Variants in TUNAR observed in about 807,000 individuals in gnomAD.
TUNAR encodes the protein transmembrane neural differentiation associated intracellular calcium regulator.
chr14:95,906,258 G>T (rs991254850), intron 2 of TUNAR, among the ~76,000 whole-genome samples: 16 of 152,174 alleles, frequency 1.1e-4, no homozygotes, highest in African/African-American at 2.2e-4. Flanking sequence ...AGGGGACATA[G>T]CTGGGAATGA....
At chr14:95,913,597 C>G (rs1306777562) in intron 2 of TUNAR, among the ~76,000 whole-genome samples, 1 of 152,086 alleles carries the variant, frequency 6.6e-6, no homozygotes, top group African/African-American at 2.4e-5. Flanking sequence ...AGAAATTGGT[C>G]TAGAGAAGTC....
chr14:95,896,543 C>T (rs1421314635), intron 2 of TUNAR, among the ~76,000 whole-genome samples: 2 of 152,196 alleles, frequency 1.3e-5, no homozygotes, highest in East Asian at 3.8e-4. Context: ...AGCTGCACCA[C>T]ACCCTCTGGA....
At chr14:95,877,820 C>T (rs1310501830) in intron 2 of TUNAR, among the ~76,000 whole-genome samples, 1 of 152,170 alleles carries the variant, frequency 6.6e-6, no homozygotes, top group Non-Finnish European at 1.5e-5. Context: ...ACTTTTTGTC[C>T]ATCCTGCCAT....
intron 2 of TUNAR, among the ~76,000 whole-genome samples, chr14:95,881,625 T>C (rs1888979620): frequency 6.6e-6 from 1 of 152,110 alleles, no homozygotes; most frequent in African/African-American, 2.4e-5. Flanking sequence ...CGGGAGGAAA[T>C]GTAGGTCTCA....
At chr14:95,877,847 C>A (rs188365417) in intron 2 of TUNAR, among the ~76,000 whole-genome samples, 2 of 152,326 alleles carry the variant, frequency 1.3e-5, no homozygotes, top group East Asian at 3.9e-4. Flanking sequence ...GCTGCCAACC[C>A]CTAATGTGTA....
At chr14:95,911,955 A>G (rs917778728) in intron 2 of TUNAR, among the ~76,000 whole-genome samples, 4 of 152,190 alleles carry the variant, frequency 2.6e-5, no homozygotes, top group African/African-American at 7.2e-5. Flanking sequence ...CATTTTTCAC[A>G]TACAGCAATG....
intron 2 of TUNAR, among the ~76,000 whole-genome samples, chr14:95,890,560 C>T (rs974823621): frequency 3.3e-5 from 5 of 152,078 alleles, no homozygotes; most frequent in Non-Finnish European, 5.9e-5. Flanking sequence ...GAGACAGGCT[C>T]CCCAGGTAGG....
chr14:95,878,223 A>C (rs1888921792), intron 2 of TUNAR, among the ~76,000 whole-genome samples: 1 of 152,270 alleles, frequency 6.6e-6, no homozygotes, highest in Non-Finnish European at 1.5e-5. Context: ...TAATGCAGAT[A>C]CGATGCCTGA....
At chr14:95,910,414 G>A (rs1204436896) in intron 2 of TUNAR, among the ~76,000 whole-genome samples, 1 of 152,190 alleles carries the variant, frequency 6.6e-6, no homozygotes, top group African/African-American at 2.4e-5. Context: ...GTGGGTGAAT[G>A]GATGGAGGAA....
chr14:95,883,739 C>CT (rs1288242311), intron 2 of TUNAR, among the ~76,000 whole-genome samples: 2 of 152,204 alleles, frequency 1.3e-5, no homozygotes, highest in Non-Finnish European at 2.9e-5. Context: ...CGCCGCCACT[C>CT]TGACCCTTCA....
intron 2 of TUNAR, among the ~76,000 whole-genome samples, chr14:95,896,108 A>AG (rs199648566): frequency 0.027 from 4,113 of 151,012 alleles, 90 homozygotes; most frequent in Middle Eastern, 0.071. Context: ...GCCAGTGAGT[A>AG]ATAGAGTGGA....
At chr14:95,917,525 C>T (rs1161169097) in intron 2 of TUNAR, among the ~76,000 whole-genome samples, 2 of 152,160 alleles carry the variant, frequency 1.3e-5, no homozygotes, top group Non-Finnish European at 2.9e-5. Flanking sequence ...TCACCAAAAA[C>T]CCCATAGACA....
intron 2 of TUNAR, among the ~76,000 whole-genome samples, chr14:95,909,541 G>C (rs552737725): frequency 6.6e-6 from 1 of 151,976 alleles, no homozygotes; most frequent in South Asian, 2.1e-4. Context: ...CCTCAGCCCC[G>C]CAAAGTGCTG....
chr14:95,881,861 C>T (rs1281111830), intron 2 of TUNAR, among the ~76,000 whole-genome samples: 2 of 152,186 alleles, frequency 1.3e-5, no homozygotes, highest in Admixed American at 6.5e-5. Flanking sequence ...CACCCCATTG[C>T]GTGGCTTTAC....
chr14:95,924,559 A>T (rs537640627), exon 3 of TUNAR: 1 of 152,364 alleles, frequency 6.6e-6, no homozygotes, highest in Non-Finnish European at 1.5e-5. Flanking sequence ...TTGGACTTAC[A>T]GTTCCACGTG....
chr14:95,911,300 A>G (rs945489244), intron 2 of TUNAR, among the ~76,000 whole-genome samples: 1 of 152,134 alleles, frequency 6.6e-6, no homozygotes, highest in Admixed American at 6.5e-5. Context: ...AGATGGTCCT[A>G]CTGGCCTTTG....
intron 2 of TUNAR, among the ~76,000 whole-genome samples, chr14:95,911,694 T>C (rs1294448900): frequency 1.3e-5 from 2 of 152,182 alleles, no homozygotes; most frequent in East Asian, 3.8e-4. Context: ...GAATTACAGT[T>C]GAGCCTGAGC....
intron 2 of TUNAR, among the ~76,000 whole-genome samples, chr14:95,901,305 A>AT (rs1889350102): frequency 6.6e-6 from 1 of 152,240 alleles, no homozygotes; most frequent in African/African-American, 2.4e-5. Flanking sequence ...AGAGAAGGGA[A>AT]TGAGGATTCA....
intron 2 of TUNAR, among the ~76,000 whole-genome samples, 178 bp downstream of exon 1, chr14:95,877,355 A>C (rs185410304): frequency 1.4e-3 from 219 of 152,352 alleles, no homozygotes; most frequent in African/African-American, 5.0e-3. Context: ...CTGCCCGGGC[A>C]GACCTGGTGC....
Sources: gnomAD v4.1 joint callset for allele counts (sites outside exome capture counted in the v4.1 genomes callset) on GRCh38, gnomAD v4.1.1 for gene constraint, MANE v1.5 for transcripts, NCBI Gene and HGNC (gene_info 2026-07-23, HGNC 2026-07-21) for gene names.